ELOVL5: variants seen among roughly 807,000 people sequenced by gnomAD.
The protein encoded by ELOVL5 is ELOVL fatty acid elongase 5.
ELOVL5 carries 8 observed loss-of-function variants against 38.6 expected under a neutral mutation model. That is an observed-to-expected ratio of 0.21 (90% CI 0.12 to 0.37). The LOEUF (loss-of-function observed/expected upper bound fraction) is 0.37, where lower values mean the gene tolerates loss of function less well. Ranked by LOEUF, ELOVL5 falls within the 10% of genes least tolerant of loss-of-function variation. The pLI is 1.00. For synonymous variants in ELOVL5, 127 were observed against 133.7 expected (o/e 0.95, Z 0.34); for missense variants, 280 against 367.8 (o/e 0.76, Z 1.95).
chr6:53,315,643 G>A (rs936669997), intron 1 of ELOVL5, among the ~76,000 whole-genome samples: 2 of 152,040 alleles, frequency 1.3e-5, no homozygotes, highest in East Asian at 1.9e-4. Context: ...TTAAATTTCC[G>A]GGGGTTCCAT....
At chr6:53,317,143 T>C (rs1234682070) in intron 1 of ELOVL5, among the ~76,000 whole-genome samples, 3 of 152,230 alleles carry the variant, frequency 2.0e-5, no homozygotes, top group Non-Finnish European at 4.4e-5. Context: ...TGCTCAAACA[T>C]GAATTACACA....
intron 3 of ELOVL5, among the ~76,000 whole-genome samples, chr6:53,279,990 T>C (rs906513593): frequency 6.6e-6 from 1 of 152,182 alleles, no homozygotes; most frequent in African/African-American, 2.4e-5. Flanking sequence ...GTAGCCCCAC[T>C]AGGAGCACAT....
At chr6:53,320,651 T>C (rs209498) in intron 1 of ELOVL5, among the ~76,000 whole-genome samples, 80,949 of 151,840 alleles carry the variant, frequency 0.53, 22,774 homozygotes, top group Non-Finnish European at 0.62. Context: ...ACTTTTGTTC[T>C]AGTGTCTTTT....
At chr6:53,303,262 G>A (rs1581952969) in intron 1 of ELOVL5, among the ~76,000 whole-genome samples, 1 of 152,186 alleles carries the variant, frequency 6.6e-6, no homozygotes, top group African/African-American at 2.4e-5. Flanking sequence ...GTACTAACAA[G>A]CTTTAGAAAT....
chr6:53,269,224 T>C lies in ELOVL5; in HGVS notation c.803A>G (p.Asp268Gly), dbSNP rs775550239. 1.3e-5 allele frequency: 21 copies of C among 1,613,466 alleles called. No individual in the cohort carries two copies. The South Asian group carries it at 2.2e-4, about 17-fold the overall frequency. ...AGCAGCCATGGACCCATTCTGGTGGTCCTTCAGGTGGTCTTTCCTTCGGGA... is the reference window on the plus strand; with the variant it reads ...AGCAGCCATGGACCCATTCTGGTGGCCCTTCAGGTGGTCTTTCCTTCGGGA... The part of the protein sequence containing the change: ...GASRRKDHLK[D>G]HQNGSMAAVN... Residue 268 changes from aspartate to glycine, a missense_variant, in exon 8 of 8, where the codon GAC (aspartate) becomes GGC (glycine). Asp to Gly is a moderately conservative substitution (Grantham distance 94, BLOSUM62 -1). Transcript: ENST00000304434.
intron 1 of ELOVL5, among the ~76,000 whole-genome samples, chr6:53,347,807 A>AT (rs1210330167): frequency 6.6e-6 from 1 of 151,906 alleles, no homozygotes; most frequent in African/African-American, 2.4e-5. Context: ...TTAATTCACA[A>AT]TTGTGGATGG....
At chr6:53,294,578 C>T in intron 2 of ELOVL5, 1 of 1,414,244 alleles carries the variant, frequency 7.1e-7, no homozygotes, top group Non-Finnish European at 9.3e-7. Context: ...ATTGCTCCAC[C>T]TGGTAATGCA....
At chr6:53,272,206 T>C (rs1026137748) in intron 6 of ELOVL5, among the ~76,000 whole-genome samples, 1 of 152,224 alleles carries the variant, frequency 6.6e-6, no homozygotes, top group African/African-American at 2.4e-5. Context: ...GTGTTAATAA[T>C]GCAAGGACAG....
chr6:53,323,536 T>C (rs1183127477), intron 1 of ELOVL5, among the ~76,000 whole-genome samples: 3 of 148,594 alleles, frequency 2.0e-5, no homozygotes, highest in South Asian at 2.1e-4. Flanking sequence ...AGAAACTTCA[T>C]GGAATGAGAA....
At position 53,270,619 on chromosome 6, in the gene ELOVL5, C is replaced by A. The variant is rs1256160612; in HGVS notation, c.730G>T (p.Ala244Ser). Residue 244 changes from alanine to serine, a missense_variant, in exon 7 of 8, where the codon GCT becomes TCT. Coordinates refer to ENST00000304434, the MANE Select transcript of ELOVL5 (RefSeq NM_021814.5). ...TGAATGTAGAAGTTTGTGAAGAGAG[C>A]AATCAGGGAAATCATGTATCCAATC... is the stretch of plus-strand genomic sequence containing the variant. ...FQIGYMISLI[A>S]LFTNFYIQTY... The A allele has an allele frequency of 6.2e-7, 1 of 1,614,112 alleles. No homozygotes were observed. The highest frequency in any genetic ancestry group is 2.2e-5 in the East Asian group (1 of 44,872).
rs143988308 is a variant in ELOVL5 at position 53,327,357 on chromosome 6, A to G, written c.-9+21460T>C. Among the ~76,000 whole-genome samples, 241 of 152,284 alleles carry G rather than the reference A, an allele frequency of 1.6e-3. 1 individual carries two copies. Among genetic ancestry groups the G allele is most frequent in the Middle Eastern group, 0.01 (3 of 294 alleles). ...ATCCCTTAAAAGTCCTCCTCCTTCA[A>G]TGGTCACTCTTCACATGCTACAGCA... On this transcript the variant is annotated intron_variant, in intron 1 of 7. Coordinates refer to ENST00000304434, the MANE Select transcript of ELOVL5 (RefSeq NM_021814.5).
chr6:53,275,376 T>G, intron 4 of ELOVL5, 115 bp from the exon 5 acceptor site: 1 of 1,044,090 alleles, frequency 9.6e-7, no homozygotes, highest in East Asian at 2.5e-5. Context: ...GAAGCCCGAG[T>G]GCCCCAAGAG....
At chr6:53,325,917 G>A (rs1014016027) in intron 1 of ELOVL5, among the ~76,000 whole-genome samples, 2 of 152,306 alleles carry the variant, frequency 1.3e-5, no homozygotes, top group East Asian at 1.9e-4. Context: ...ACATTAAAAC[G>A]TGAATGCTCC....
rs1766110965 is a variant in ELOVL5 at position 53,276,153 on chromosome 6, TAA to T, written c.324+24_324+25del. The T allele has an allele frequency of 3.3e-6, 5 of 1,526,562 alleles. No homozygotes were observed. In the East Asian group the frequency reaches 6.8e-5, roughly 21 times the overall value. 94.6% of individuals were successfully genotyped at this position (1,526,562 alleles called of 1,614,324 possible). A position where few individuals can be genotyped will look rare whatever the true frequency, so the allele number is the denominator to read the frequency against. On this transcript the variant is annotated intron_variant, in intron 4 of 7. Coordinates refer to ENST00000304434, the MANE Select transcript of ELOVL5 (RefSeq NM_021814.5). Reference sequence around the variant, plus strand: ...TTTAAAAACTCAACACTTATAATAATAAAGTTTCTGAAAAAGAGACAGTACCT... The same window carrying T: ...TTTAAAAACTCAACACTTATAATAATAGTTTCTGAAAAAGAGACAGTACCT...
At chr6:53,286,019 G>A (rs891208043) in intron 3 of ELOVL5, among the ~76,000 whole-genome samples, 2 of 152,060 alleles carry the variant, frequency 1.3e-5, no homozygotes, top group Non-Finnish European at 2.9e-5. Flanking sequence ...AACCAAAAAT[G>A]GTATGACTTA....
intron 1 of ELOVL5, among the ~76,000 whole-genome samples, chr6:53,335,824 T>G (rs1769040088): frequency 6.6e-6 from 1 of 152,188 alleles, no homozygotes; most frequent in African/African-American, 2.4e-5. Flanking sequence ...ATCTGGAGGC[T>G]GTTTCTGGGA....
rs148676878 is a variant in ELOVL5, at chr6:53,327,668, G to A, written c.-9+21149C>T. ...CCACTGAGTTGAACATTTAAAAATG[G>A]CTTATATAATGTAAATTACACTTCA... On this transcript the variant is annotated intron_variant, in intron 1 of 7. Coordinates refer to ENST00000304434, the MANE Select transcript of ELOVL5 (RefSeq NM_021814.5). 4.1e-3 allele frequency among the ~76,000 whole-genome samples: 631 copies of A among 152,256 alleles called. 3 individuals are homozygous for A. The highest frequency in any genetic ancestry group is 6.8e-3 in the South Asian group (33 of 4,818).
intron 1 of ELOVL5, among the ~76,000 whole-genome samples, chr6:53,326,840 T>C (rs1768568616): frequency 6.6e-6 from 1 of 152,128 alleles, no homozygotes; most frequent in South Asian, 2.1e-4. Context: ...CAAGGTCTGC[T>C]TTCCCTCACC....
At chr6:53,340,526 C>T (rs1769281342) in intron 1 of ELOVL5, among the ~76,000 whole-genome samples, 1 of 152,192 alleles carries the variant, frequency 6.6e-6, no homozygotes, top group African/African-American at 2.4e-5. Context: ...CCTGCAAGCT[C>T]CATTCATGGC....
Sources: allele counts gnomAD v4.1 joint callset (sites outside exome capture counted in the v4.1 genomes callset), GRCh38; gene constraint gnomAD v4.1.1; transcripts MANE v1.5; gene names NCBI Gene and HGNC (gene_info 2026-07-23, HGNC 2026-07-21).